TOX: variants seen among roughly 807,000 people sequenced by gnomAD.
TOX encodes the protein thymocyte selection associated high mobility group box, also known as thymocyte selection-associated high mobility group box protein TOX.
Under a neutral mutation model 53.7 loss-of-function variants are expected in TOX, and 11 were observed. The ratio of observed to expected loss-of-function variants is 0.20; its 90% CI spans 0.13 to 0.34. The LOEUF (loss-of-function observed/expected upper bound fraction) is 0.34. Among genes scored for constraint, TOX ranks in the 10% least tolerant of loss-of-function variants. The pLI is 1.00. For missense variants in TOX, 570 were observed against 664.6 expected (o/e 0.86, Z 1.56); for synonymous variants, 225 against 245.3 (o/e 0.92, Z 0.77).
intron 1 of TOX, among the ~76,000 whole-genome samples, chr8:59,061,575 C>G (rs561151888): frequency 4.6e-5 from 7 of 152,132 alleles, no homozygotes; most frequent in African/African-American, 1.7e-4. Flanking sequence ...TCCCCCACCC[C>G]ATAGTCACTA....
At chr8:58,893,706 T>G (rs1212383209) in intron 3 of TOX, among the ~76,000 whole-genome samples, 3 of 152,218 alleles carry the variant, frequency 2.0e-5, no homozygotes, top group Admixed American at 2.0e-4. Flanking sequence ...ACAAAGTGTT[T>G]CCTAAGACCT....
chr8:58,845,767 G>T (rs928334101), intron 4 of TOX, among the ~76,000 whole-genome samples: 1 of 152,046 alleles, frequency 6.6e-6, no homozygotes, highest in Admixed American at 6.6e-5. Flanking sequence ...GCGGCCTTAT[G>T]TGAAATAGGA....
intron 1 of TOX, among the ~76,000 whole-genome samples, chr8:58,990,256 A>C (rs1311566923): frequency 6.6e-6 from 1 of 152,116 alleles, no homozygotes; most frequent in Non-Finnish European, 1.5e-5. Context: ...TTCAGATGGG[A>C]TTTGACTCTA....
intron 1 of TOX, among the ~76,000 whole-genome samples, chr8:59,100,600 T>C (rs984138938): frequency 6.6e-6 from 1 of 152,234 alleles, no homozygotes; most frequent in African/African-American, 2.4e-5. Flanking sequence ...GGAATTATTT[T>C]GTAAGCAATT....
chr8:58,994,602 TTA>T (rs1466262606), intron 1 of TOX, among the ~76,000 whole-genome samples: 1 of 152,174 alleles, frequency 6.6e-6, no homozygotes, highest in Admixed American at 6.5e-5. Flanking sequence ...CAGAATTGTG[TTA>T]TAAAGATAAC....
chr8:58,915,062 A>G (rs1453569092), intron 3 of TOX, among the ~76,000 whole-genome samples: 37 of 148,466 alleles, frequency 2.5e-4, no homozygotes, highest in East Asian at 8.1e-4. Context: ...CGCCCACGGA[A>G]TCTCGCTGAT....
chr8:59,117,617 A>C lies in TOX; in HGVS notation c.102+1269T>G, dbSNP rs1367964186. Among the ~76,000 whole-genome samples the C allele has an allele frequency of 6.6e-6, 1 of 152,240 alleles. No homozygotes were observed. On this transcript the variant is annotated intron_variant, in intron 1 of 8. Coordinates refer to ENST00000361421, the MANE Select transcript of TOX (RefSeq NM_014729.3). This position sits in a 1 kb window ranked among gnomAD's most constrained non-coding sequence, Gnocchi z 4.6. Reference sequence around the variant, plus strand: ...TCGCGTGGTGCGGAGTCCAGGGCTGAGAAGGCAGCGCACTAAATATCTCTG... The same window carrying C: ...TCGCGTGGTGCGGAGTCCAGGGCTGCGAAGGCAGCGCACTAAATATCTCTG...
chr8:58,957,668 A>T lies in TOX; in HGVS notation c.168+2275T>A, dbSNP rs1812734358. ...AGTGCGCCATATGTTGCTACTTAGC[A>T]ACTTAGTCTATAAGTCCCAAAGCAT... is the stretch of plus-strand genomic sequence containing the variant. On this transcript the variant is annotated intron_variant, in intron 2 of 8. Coordinates refer to ENST00000361421, the MANE Select transcript of TOX (RefSeq NM_014729.3). Among the ~76,000 whole-genome samples, 3 of 152,400 alleles carry T rather than the reference A, an allele frequency of 2.0e-5. No individual in the cohort carries two copies. In the East Asian group the frequency reaches 5.8e-4, roughly 29 times the overall value.
intron 1 of TOX, among the ~76,000 whole-genome samples, chr8:59,079,460 T>G (rs1250618210): frequency 6.6e-6 from 1 of 152,098 alleles, no homozygotes; most frequent in African/African-American, 2.4e-5. Context: ...GCTCTTCACA[T>G]GCAGGCCACT....
rs1361558260 is a variant in TOX at position 59,118,674 on chromosome 8, G to C, written c.102+212C>G. 6.6e-6 allele frequency among the ~76,000 whole-genome samples: 1 copy of C among 152,284 alleles called. No homozygotes were observed. Among genetic ancestry groups the C allele is most frequent in the South Asian group, 2.1e-4 (1 of 4,826 alleles). On this transcript the variant is annotated intron_variant, in intron 1 of 8. Transcript: ENST00000361421. The surrounding 1 kb of genome is among the most constrained non-coding windows in gnomAD (Gnocchi z 4.1). The stretch of plus-strand genomic sequence containing the variant: ...GAAGGAAAGAATCCGAGCAAATCGT[G>C]TCACTTTCCGCACAATCGCGGTGTT...
chr8:58,986,894 C>G (rs1813340307), intron 1 of TOX, among the ~76,000 whole-genome samples: 1 of 152,180 alleles, frequency 6.6e-6, no homozygotes. Context: ...CTTCCTGCAG[C>G]CTTTGGGCTT....
chr8:58,887,830 T>C (rs1811496947), intron 3 of TOX, among the ~76,000 whole-genome samples: 1 of 152,076 alleles, frequency 6.6e-6, no homozygotes, highest in African/African-American at 2.4e-5. Context: ...TGTTAAGTAT[T>C]TAAGGCTAGG....
intron 3 of TOX, among the ~76,000 whole-genome samples, chr8:58,938,350 G>A (rs1230222531): frequency 1.3e-5 from 2 of 152,206 alleles, no homozygotes; most frequent in African/African-American, 2.4e-5. Context: ...GAAAATGACA[G>A]TACTGTTCGA....
intron 2 of TOX, among the ~76,000 whole-genome samples, chr8:58,954,345 A>G (rs1244227612): frequency 6.6e-6 from 1 of 152,234 alleles, no homozygotes; most frequent in East Asian, 1.9e-4. Flanking sequence ...GAAGACTCTA[A>G]GTATTCATGT....
chr8:58,924,751 C>A (rs1420461945), intron 3 of TOX, among the ~76,000 whole-genome samples: 1 of 152,224 alleles, frequency 6.6e-6, no homozygotes, highest in African/African-American at 2.4e-5. Context: ...TTGATATTTT[C>A]TCATTAGTAA....
intron 1 of TOX, among the ~76,000 whole-genome samples, chr8:59,093,214 C>A (rs1457602169): frequency 1.3e-5 from 2 of 152,186 alleles, no homozygotes; most frequent in African/African-American, 2.4e-5. Context: ...CCAGTTCCAG[C>A]TTCATCACTT....
intron 6 of TOX, among the ~76,000 whole-genome samples, chr8:58,817,109 A>C (rs903527755): frequency 6.6e-6 from 1 of 152,080 alleles, no homozygotes; most frequent in African/African-American, 2.4e-5. Flanking sequence ...ATGCCAAACC[A>C]TGGAAACCTG....
In TOX at chr8:58,805,446, G is replaced by A. The variant is rs1442044786; in HGVS notation, c.*2301C>T. The A allele has an allele frequency of 6.6e-6, 1 of 152,270 alleles. No homozygotes were observed. Among genetic ancestry groups the A allele is most frequent in the Non-Finnish European group, 1.5e-5 (1 of 68,024 alleles). 9.4% of individuals were successfully genotyped at this position (152,270 alleles called of 1,614,324 possible). A position where few individuals can be genotyped will look rare whatever the true frequency, so the allele number is the denominator to read the frequency against. ...GCATAATAACAGTTTTATTGATGAT[G>A]TGTTTTCTTTTATTTACATTTGTTT... On this transcript the variant is annotated 3_prime_UTR_variant, in exon 9 of 9. Transcript: ENST00000361421.
In TOX at chr8:58,808,211, T is replaced by G; in HGVS notation, c.1451A>C (p.Gln484Pro). 1 of 1,614,098 alleles carries G rather than the reference T, an allele frequency of 6.2e-7. No homozygotes were observed. The highest frequency in any genetic ancestry group is 8.5e-7 in the Non-Finnish European group (1 of 1,179,986). Residue 484 changes from glutamine to proline, a missense_variant, in exon 8 of 9, where the codon CAA (glutamine) becomes CCA (proline). Gln to Pro is a moderately conservative substitution (Grantham distance 76, BLOSUM62 -1). Transcript: ENST00000361421. ...TIINPTSTAA[Q>P]VVTQAMEYVR... ...ATACTCCATTGCCTGGGTGACAACT[T>G]GTGCAGCTGTAGATGTAGGATTGAT... is the stretch of plus-strand genomic sequence containing the variant.
Sources: allele counts gnomAD v4.1 joint callset (sites outside exome capture counted in the v4.1 genomes callset), GRCh38; gene constraint gnomAD v4.1.1; non-coding constraint Gnocchi (gnomAD v3.1); transcripts MANE v1.5; gene names NCBI Gene and HGNC (gene_info 2026-07-23, HGNC 2026-07-21).